The following KIAA0930 variants were observed in gnomAD, a reference collection of about 807,000 sequenced individuals.
The protein encoded by KIAA0930 is KIAA0930.
A neutral mutation model predicts 43.9 loss-of-function variants in KIAA0930; 24 were observed. That is an observed-to-expected ratio of 0.55 (90% confidence interval 0.40 to 0.77). The LOEUF (loss-of-function observed/expected upper bound fraction) is 0.77, where lower values mean the gene tolerates loss of function less well. Among genes scored for constraint, KIAA0930 ranks in the 30% least tolerant of loss-of-function variants. The probability of loss-of-function intolerance (pLI) is 0.00; values close to 1 mark genes in which losing one functional copy is unlikely to be tolerated. For missense variants in KIAA0930, 461 were observed against 574.2 expected, an observed-to-expected ratio of 0.80 and a Z score of 2.02; for synonymous variants, 259 against 216.4, an observed-to-expected ratio of 1.20 and a Z score of -1.73.
At chr22:45,197,761 G>T in intron 9 of KIAA0930, 29 bp downstream of exon 9, 1 of 1,611,652 alleles carries the variant, frequency 6.2e-7, no homozygotes, top group Admixed American at 1.7e-5. Context: ...GAGAAGGTGC[G>T]GCTGCTTCCC....
In KIAA0930 at chr22:45,205,654, A is replaced by T. The variant is rs766143639; in HGVS notation, c.390T>A (p.Ile130=). 1.5e-5 allele frequency: 24 copies of T among 1,613,874 alleles called. No individual in the cohort carries two copies. Among genetic ancestry groups the T allele is most frequent in the Non-Finnish European group, 1.9e-5 (22 of 1,180,016 alleles). The change falls in exon 4 of 10, where the codon ATT becomes ATA. Residue 130 remains isoleucine, a synonymous_variant. Transcript: ENST00000336156. The part of the protein sequence containing the change: ...AVCTRADGGD[I]HIHKKKSQQV... ...CCTGAGATTTCTTCTTATGGATGTGAATGTCCCCGCCGTCAGCACGTGTGC... is the reference window on the plus strand; with the variant it reads ...CCTGAGATTTCTTCTTATGGATGTGTATGTCCCCGCCGTCAGCACGTGTGC...
intron 8 of KIAA0930, among the ~76,000 whole-genome samples, chr22:45,198,291 C>A (rs1388847662): frequency 6.6e-6 from 1 of 152,252 alleles, no homozygotes; most frequent in Non-Finnish European, 1.5e-5. Context: ...TGGAACTAGG[C>A]ACCGCCACCT....
At position 45,196,132 on chromosome 22, in the gene KIAA0930, T is replaced by C. The variant is rs1197945291; in HGVS notation, c.*1044A>G. On this transcript the variant is annotated 3_prime_UTR_variant, in exon 10 of 10. Transcript: ENST00000336156. This position sits in a 1 kb window ranked among gnomAD's most constrained non-coding sequence, Gnocchi z 4.1. ...CTTGCAGATGGAAACGCCTTCATGC[T>C]GGACCAGGCCGAGGGCAGGCCTGGG... 1.3e-5 allele frequency: 2 copies of C among 152,202 alleles called. No homozygotes were observed. The highest frequency in any genetic ancestry group is 4.8e-5 in the African/African-American group (2 of 41,444). 9.4% of individuals were successfully genotyped at this position (152,202 alleles called of 1,614,324 possible). A position where few individuals can be genotyped will look rare whatever the true frequency, so the allele number is the denominator to read the frequency against.
intron 1 of KIAA0930, among the ~76,000 whole-genome samples, chr22:45,233,152 C>T (rs2083864778): frequency 6.6e-6 from 1 of 152,098 alleles, no homozygotes; most frequent in African/African-American, 2.4e-5. Context: ...CCAGTGGCCA[C>T]CAACTCAGGC....
chr22:45,197,647 A>T, intron 9 of KIAA0930, 143 bp downstream of exon 9: 1 of 787,630 alleles, frequency 1.3e-6, no homozygotes, highest in Non-Finnish European at 2.0e-6. Flanking sequence ...TCTGAGACAA[A>T]GAGGCCAAGA....
In KIAA0930 at chr22:45,197,175, G is replaced by A. The variant is rs911542579; in HGVS notation, c.*1C>T. Reference sequence around the variant, plus strand: ...GGGCTCTGCGCAGGCTCCGCACGCGGCTAGGTCATCAGGATGGGCTTCTGC... The same window carrying A: ...GGGCTCTGCGCAGGCTCCGCACGCGACTAGGTCATCAGGATGGGCTTCTGC... On this transcript the variant is annotated 3_prime_UTR_variant, in exon 10 of 10. Transcript: ENST00000336156. 6.5e-7 allele frequency: 1 copy of A among 1,549,436 alleles called. No individual in the cohort carries two copies. The highest frequency in any genetic ancestry group is 1.4e-5 in the African/African-American group (1 of 73,044).
intron 1 of KIAA0930, among the ~76,000 whole-genome samples, chr22:45,231,872 T>G (rs1195278301): frequency 6.6e-6 from 1 of 152,084 alleles, no homozygotes; most frequent in Non-Finnish European, 1.5e-5. Flanking sequence ...GTGCCTGTAG[T>G]CCCAGCTACT....
chr22:45,197,994 G>A (rs377252878), intron 8 of KIAA0930, 46 bp from the exon 9 acceptor site: 22 of 1,599,950 alleles, frequency 1.4e-5, no homozygotes, highest in South Asian at 1.2e-4. Flanking sequence ...CATGGGACGC[G>A]GCGGGAGCAG....
rs1383748547 is a variant in KIAA0930 at position 45,205,757 on chromosome 22, G to A, written c.336+36C>T. 3 of 1,610,976 alleles carry A rather than the reference G, an allele frequency of 1.9e-6. No homozygotes were observed. The South Asian group carries it at 3.3e-5, about 18-fold the overall frequency. The stretch of plus-strand genomic sequence containing the variant: ...GCAGGGAGGGGTCAGCCATCCCACA[G>A]GGCCAATCCGCAGCCCCACCCATCC... On this transcript the variant is annotated intron_variant, in intron 3 of 9. Coordinates refer to ENST00000336156, the MANE Select transcript of KIAA0930 (RefSeq NM_001009880.2).
At chr22:45,215,945 G>A (rs1345157932) in intron 1 of KIAA0930, among the ~76,000 whole-genome samples, 2 of 151,984 alleles carry the variant, frequency 1.3e-5, no homozygotes, top group Non-Finnish European at 2.9e-5. Flanking sequence ...GGAGAATGGC[G>A]TGAACCCGGG....
At chr22:45,233,029 T>C (rs921631812) in intron 1 of KIAA0930, among the ~76,000 whole-genome samples, 1 of 152,046 alleles carries the variant, frequency 6.6e-6, no homozygotes, top group Non-Finnish European at 1.5e-5. Context: ...GACAGGTGGC[T>C]GGGAGCAGGC....
intron 1 of KIAA0930, 70 bp downstream of exon 1, chr22:45,240,570 C>A: frequency 9.0e-7 from 1 of 1,109,516 alleles, no homozygotes; most frequent in South Asian, 1.3e-5. Context: ...CACAGAAACA[C>A]GGACGCGCAG....
At chr22:45,208,159 G>T (rs542285617) in intron 2 of KIAA0930, among the ~76,000 whole-genome samples, 1 of 152,168 alleles carries the variant, frequency 6.6e-6, no homozygotes, top group African/African-American at 2.4e-5. Flanking sequence ...TGGCCAGGCC[G>T]CCATGGTACA....
intron 1 of KIAA0930, among the ~76,000 whole-genome samples, chr22:45,215,866 T>C (rs536123994): frequency 2.6e-5 from 4 of 152,190 alleles, no homozygotes; most frequent in East Asian, 3.9e-4. Context: ...TTTAATATCA[T>C]AGGACTCATT....
At chr22:45,224,330 AGT>A (rs2083785444) in intron 1 of KIAA0930, among the ~76,000 whole-genome samples, 1 of 152,246 alleles carries the variant, frequency 6.6e-6, no homozygotes, top group Non-Finnish European at 1.5e-5. Context: ...GACAAAAAAA[AGT>A]GAGGCCAGAA....
chr22:45,199,582 T>A (rs755710904), intron 8 of KIAA0930, among the ~76,000 whole-genome samples: 6 of 152,168 alleles, frequency 3.9e-5, no homozygotes, highest in Non-Finnish European at 7.4e-5. Context: ...CTGAAAAGCC[T>A]TAGAAAGGTG....
At chr22:45,221,566 T>C (rs2083767837) in intron 1 of KIAA0930, among the ~76,000 whole-genome samples, 2 of 151,932 alleles carry the variant, frequency 1.3e-5, no homozygotes, top group Admixed American at 1.3e-4. Context: ...GCTATACATT[T>C]AGTTTCCAGA....
At chr22:45,206,046 C>CAAAAAAT in intron 2 of KIAA0930, 134 bp from the exon 3 acceptor site, 1 of 1,455,318 alleles carries the variant, frequency 6.9e-7, no homozygotes, top group Non-Finnish European at 9.2e-7. Flanking sequence ...GACAGGGTCT[C>CAAAAAAT]ACACCGCTGC....
intron 7 of KIAA0930, chr22:45,200,918 C>G (rs2083582595): frequency 2.1e-6 from 1 of 479,824 alleles, no homozygotes; most frequent in Non-Finnish European, 4.3e-6. Context: ...GGAGATGCCG[C>G]TGGAGCTGGG....
Sources: gnomAD v4.1 joint callset for allele counts (sites outside exome capture counted in the v4.1 genomes callset) on GRCh38, gnomAD v4.1.1 for gene constraint, Gnocchi (gnomAD v3.1) non-coding constraint, MANE v1.5 for transcripts, NCBI Gene and HGNC (gene_info 2026-07-23, HGNC 2026-07-21) for gene names.